VCPIP1: variants seen among roughly 807,000 people sequenced by gnomAD.
VCPIP1 encodes valosin containing protein interacting protein 1.
Under a neutral mutation model 85.0 loss-of-function variants are expected in VCPIP1, and 8 were observed. The ratio of observed to expected loss-of-function variants is 0.09; its 90% confidence interval spans 0.06 to 0.17. The LOEUF (loss-of-function observed/expected upper bound fraction) is 0.17. Ranked by LOEUF, VCPIP1 falls within the 10% of genes least tolerant of loss-of-function variation. VCPIP1 has a pLI of 1.00. For missense variants in VCPIP1, 1,070 were observed against 1,486.3 expected (o/e 0.72, Z 4.61); for synonymous variants, 543 against 544.5 (o/e 1.00, Z 0.04).
chr8:66,664,155 T>C, intron 1 of VCPIP1, 94 bp downstream of exon 1: 1 of 1,373,878 alleles, frequency 7.3e-7, no homozygotes, highest in East Asian at 2.5e-5. Context: ...AAACTTACAA[T>C]GGCTACAGAT....
chr8:66,637,663 A>G (rs1480756028), intron 2 of VCPIP1, among the ~76,000 whole-genome samples: 2 of 151,420 alleles, frequency 1.3e-5, no homozygotes, highest in African/African-American at 4.9e-5. Context: ...TTTCTCTATC[A>G]CATATCAACA....
intron 2 of VCPIP1, among the ~76,000 whole-genome samples, chr8:66,636,344 T>C (rs1810886831): frequency 6.7e-6 from 1 of 149,958 alleles, no homozygotes; most frequent in Admixed American, 6.7e-5. Context: ...CACATGTTCA[T>C]CACAGTATTA....
intron 2 of VCPIP1, among the ~76,000 whole-genome samples, chr8:66,639,037 C>G (rs1229079476): frequency 6.7e-6 from 1 of 149,750 alleles, no homozygotes; most frequent in Non-Finnish European, 1.5e-5. Flanking sequence ...GGCTGGAGTA[C>G]AGTGGTGTGT....
chr8:66,652,099 G>C (rs1397609090), intron 1 of VCPIP1, among the ~76,000 whole-genome samples: 1 of 152,100 alleles, frequency 6.6e-6, no homozygotes, highest in Non-Finnish European at 1.5e-5. Flanking sequence ...AGTGGCTGGG[G>C]GGAACCCCTT....
chr8:66,634,472 C>T lies in VCPIP1; in HGVS notation c.*29G>A, dbSNP rs1810863855. 1 of 1,536,838 alleles carries T rather than the reference C, an allele frequency of 6.5e-7. No individual in the cohort carries two copies. The highest frequency in any genetic ancestry group is 1.3e-5 in the South Asian group (1 of 77,708). On this transcript the variant is annotated 3_prime_UTR_variant, in exon 3 of 3. Coordinates refer to ENST00000310421, the MANE Select transcript of VCPIP1 (RefSeq NM_025054.5). ...ACAAATATTACATATTCACAATAAACATTCTGCCTTTATTAGCCTCTAATT... is the reference window on the plus strand; with the variant it reads ...ACAAATATTACATATTCACAATAAATATTCTGCCTTTATTAGCCTCTAATT...
chr8:66,661,833 G>A (rs1192065723), intron 1 of VCPIP1, among the ~76,000 whole-genome samples: 1 of 146,898 alleles, frequency 6.8e-6, no homozygotes, highest in East Asian at 2.0e-4. Context: ...GCACGATCTC[G>A]GCTCACTGCA....
rs1031330903 is a variant in VCPIP1 at position 66,630,556 on chromosome 8, C to T, written c.*3945G>A. 3 of 152,514 alleles carry T rather than the reference C, an allele frequency of 2.0e-5. No homozygotes were observed. Among genetic ancestry groups the T allele is most frequent in the South Asian group, 2.1e-4 (1 of 4,834 alleles). 9.4% of individuals were successfully genotyped at this position (152,514 alleles called of 1,614,324 possible). A position where few individuals can be genotyped will look rare whatever the true frequency, so the allele number is the denominator to read the frequency against. ...AAACTAAGTAATTGATACTCACAAGCAGGTAACATCAACTAAAACTTTTTT... is the reference window on the plus strand; with the variant it reads ...AAACTAAGTAATTGATACTCACAAGTAGGTAACATCAACTAAAACTTTTTT... On this transcript the variant is annotated 3_prime_UTR_variant, in exon 3 of 3. Coordinates refer to ENST00000310421, the MANE Select transcript of VCPIP1 (RefSeq NM_025054.5).
chr8:66,653,515 A>T (rs573621430), intron 1 of VCPIP1: 1 of 152,340 alleles, frequency 6.6e-6, no homozygotes, highest in African/African-American at 2.4e-5. Context: ...GTTCAGTTAC[A>T]GTTGGAACTG....
At chr8:66,656,554 A>T (rs946363321) in intron 1 of VCPIP1, among the ~76,000 whole-genome samples, 4 of 152,212 alleles carry the variant, frequency 2.6e-5, no homozygotes, top group African/African-American at 9.6e-5. Flanking sequence ...TATGAGGCAA[A>T]GCAGTAAATT....
At chr8:66,648,619 A>T (rs1208338376) in intron 2 of VCPIP1, among the ~76,000 whole-genome samples, 1 of 151,828 alleles carries the variant, frequency 6.6e-6, no homozygotes, top group Non-Finnish European at 1.5e-5. Context: ...CAGTGGCATG[A>T]TCTTGGCTCA....
chr8:66,658,689 A>G (rs1811124778), intron 1 of VCPIP1, among the ~76,000 whole-genome samples: 1 of 151,998 alleles, frequency 6.6e-6, no homozygotes, highest in Non-Finnish European at 1.5e-5. Flanking sequence ...GGGTTTCACC[A>G]TCTTGGCCAG....
chr8:66,630,347 A>G lies in VCPIP1; in HGVS notation c.*4154T>C, dbSNP rs1810822135. The G allele has an allele frequency of 6.6e-6, 1 of 152,540 alleles. No homozygotes were observed. Among genetic ancestry groups the G allele is most frequent in the Non-Finnish European group, 1.5e-5 (1 of 68,034 alleles). The allele number at this position is 152,540 out of a possible 1,614,324, so 9.4% of individuals were successfully genotyped here. A position where few individuals can be genotyped will look rare whatever the true frequency, so the allele number is the denominator to read the frequency against. Reference sequence around the variant, plus strand: ...ACACTATTACTGCTTATGTTTACAAATTCTAAGTATCATTTCCCTCCAAAA... The same window carrying G: ...ACACTATTACTGCTTATGTTTACAAGTTCTAAGTATCATTTCCCTCCAAAA... On this transcript the variant is annotated 3_prime_UTR_variant, in exon 3 of 3. Coordinates refer to ENST00000310421, the MANE Select transcript of VCPIP1 (RefSeq NM_025054.5).
Position 66,664,478 on chromosome 8 carries a change from C to G in VCPIP1, c.2481G>C (p.Met827Ile). ...CCTTTTCCATTCCTGCCTGTGGTGG[C>G]ATTAACTCTTTAGGAGGAAACCCGT... ...IRYGFPPKELMPPQAGMEKEP... is the reference protein window; with the variant it reads ...IRYGFPPKELIPPQAGMEKEP... Residue 827 changes from methionine (M) to isoleucine (I), a missense_variant, in exon 1 of 3, where the codon ATG becomes ATC. Transcript: ENST00000310421. 1.2e-6 allele frequency: 2 copies of G among 1,614,074 alleles called. No individual in the cohort carries two copies. The highest frequency in any genetic ancestry group is 1.7e-6 in the Non-Finnish European group (2 of 1,179,970).
rs1220951659 is a variant in VCPIP1, at chr8:66,637,390, T to C, written c.2798-2018A>G. ...AAAACAAACACCCCAATTTAAAATATATATTTAAAAATCAATGGATATGCC... is the reference window on the plus strand; with the variant it reads ...AAAACAAACACCCCAATTTAAAATACATATTTAAAAATCAATGGATATGCC... On this transcript the variant is annotated intron_variant, in intron 2 of 2. Transcript: ENST00000310421. Among the ~76,000 whole-genome samples, 15 of 150,728 alleles carry C rather than the reference T, an allele frequency of 1.0e-4. No individual in the cohort carries two copies. In the Admixed American group the frequency reaches 1.0e-3, roughly 10 times the overall value.
In VCPIP1 at chr8:66,665,570, A is replaced by G; in HGVS notation, c.1389T>C (p.Asp463=). 21 of 1,614,206 alleles carry G rather than the reference A, an allele frequency of 1.3e-5. No individual in the cohort carries two copies. The highest frequency in any genetic ancestry group is 1.8e-5 in the Non-Finnish European group (21 of 1,180,042). The change falls in exon 1 of 3, where the codon GAT becomes GAC. Residue 463 remains aspartate (D), a synonymous_variant. Coordinates refer to ENST00000310421, the MANE Select transcript of VCPIP1 (RefSeq NM_025054.5). The surrounding 1 kb of genome is among the most constrained non-coding windows in gnomAD (Gnocchi z 4.3). ...VTAAAKKAVM[D]NRLHKCLLCG... is the part of the protein sequence containing the mutation. ...AGAGCAAACATTTGTGAAGGCGATT[A>G]TCCATTACTGCTTTTTTAGCAGCTG...
intron 1 of VCPIP1, among the ~76,000 whole-genome samples, chr8:66,661,548 A>C (rs1384753989): frequency 1.3e-5 from 2 of 151,934 alleles, no homozygotes; most frequent in Non-Finnish European, 2.9e-5. Context: ...ATCCCAGCTA[A>C]CACGGTGAAA....
intron 2 of VCPIP1, among the ~76,000 whole-genome samples, chr8:66,643,884 CAA>C (rs35921029): frequency 0.013 from 906 of 70,488 alleles, 8 homozygotes; most frequent in African/African-American, 0.034. Flanking sequence ...AATGGACAGC[CAA>C]AAAAAAAAAA....
intron 2 of VCPIP1, 33 bp downstream of exon 2, chr8:66,651,425 T>C (rs373459424): frequency 5.4e-6 from 8 of 1,485,036 alleles, no homozygotes; most frequent in Non-Finnish European, 7.4e-6. Context: ...TCAGTAGAGC[T>C]ATTATTTAAG....
intron 1 of VCPIP1, among the ~76,000 whole-genome samples, chr8:66,662,218 C>T (rs1440481520): frequency 6.6e-6 from 1 of 152,058 alleles, no homozygotes; most frequent in East Asian, 1.9e-4. Flanking sequence ...ATAAGTGTTA[C>T]GAATAGATGC....
Sources: gnomAD v4.1 joint callset for allele counts (sites outside exome capture counted in the v4.1 genomes callset) on GRCh38, gnomAD v4.1.1 for gene constraint, Gnocchi (gnomAD v3.1) non-coding constraint, MANE v1.5 for transcripts, NCBI Gene and HGNC (gene_info 2026-07-23, HGNC 2026-07-21) for gene names.